CDC73: variants seen among roughly 807,000 people sequenced by gnomAD.
CDC73 encodes parafibromin.
A neutral mutation model predicts 83.7 loss-of-function variants in CDC73; 21 were observed. The ratio of observed to expected loss-of-function variants is 0.25; its 90% CI spans 0.18 to 0.36. The LOEUF (loss-of-function observed/expected upper bound fraction) is 0.36. CDC73 is among the 10% of genes least tolerant of loss of function. The probability of loss-of-function intolerance (pLI) is 1.00; values close to 1 mark genes in which losing one functional copy is unlikely to be tolerated. For missense variants in CDC73, 342 were observed against 653.3 expected (o/e 0.52, Z 5.19); for synonymous variants, 224 against 212.9 (o/e 1.05, Z -0.45).
intron 10 of CDC73, among the ~76,000 whole-genome samples, chr1:193,168,256 T>A (rs1367649270): frequency 2.6e-5 from 4 of 152,192 alleles, no homozygotes; most frequent in Non-Finnish European, 5.9e-5. Flanking sequence ...GATGTCCTTA[T>A]GTGACAAAAT....
At chr1:193,236,436 C>T (rs530363290) in intron 15 of CDC73, 80 bp downstream of exon 15, 43 of 897,552 alleles carry the variant, frequency 4.8e-5, no homozygotes, top group Middle Eastern at 2.5e-4. Context: ...TATAGTTCTG[C>T]GCATATGATG....
Position 193,253,030 on chromosome 1 carries a change from A to G in CDC73, c.*2318A>G, listed in dbSNP as rs12067264. ...AATTAATAACTTGACTTACCCCTCC[A>G]TAAGTTACTGCTAACTGGAGATACC... On this transcript the variant is annotated 3_prime_UTR_variant, in exon 17 of 17. Transcript: ENST00000367435. The G allele has an allele frequency of 3.4e-5, 8 of 232,086 alleles. No homozygotes were observed. The highest frequency in any genetic ancestry group is 1.8e-4 in the African/African-American group (8 of 45,312). 14.4% of individuals were successfully genotyped at this position (232,086 alleles called of 1,614,324 possible). A position where few individuals can be genotyped will look rare whatever the true frequency, so the allele number is the denominator to read the frequency against.
At chr1:193,137,631 T>G (rs1572152103) in intron 5 of CDC73, among the ~76,000 whole-genome samples, 1 of 152,204 alleles carries the variant, frequency 6.6e-6, no homozygotes, top group Non-Finnish European at 1.5e-5. Context: ...TTGAAAACCT[T>G]TAAGGTTTTC....
At chr1:193,177,610 C>T (rs937164240) in intron 10 of CDC73, among the ~76,000 whole-genome samples, 4 of 151,688 alleles carry the variant, frequency 2.6e-5, no homozygotes, top group African/African-American at 7.3e-5. Context: ...GGTATTTAAC[C>T]TCTTACACGA....
intron 10 of CDC73, among the ~76,000 whole-genome samples, chr1:193,194,951 T>C (rs1212530172): frequency 6.6e-6 from 1 of 152,104 alleles, no homozygotes; most frequent in African/African-American, 2.4e-5. Context: ...TACACACATA[T>C]AGATTTAGTA....
At chr1:193,127,771 C>G (rs905743890) in intron 2 of CDC73, 2 of 151,246 alleles carry the variant, frequency 1.3e-5, no homozygotes, top group African/African-American at 4.9e-5. Flanking sequence ...AGATTGTTGT[C>G]TCCTAATTAC....
chr1:193,125,569 C>G (rs1356525844), intron 2 of CDC73, among the ~76,000 whole-genome samples: 2 of 151,128 alleles, frequency 1.3e-5, no homozygotes, highest in African/African-American at 4.9e-5. Context: ...GCCAATAATT[C>G]ATTTTAAAAC....
intron 10 of CDC73, among the ~76,000 whole-genome samples, chr1:193,169,705 G>C (rs904185997): frequency 6.6e-6 from 1 of 152,192 alleles, no homozygotes; most frequent in Non-Finnish European, 1.5e-5. Context: ...AGCAATAAGA[G>C]GCAATGCTGT....
chr1:193,181,494 G>T (rs973164190), intron 10 of CDC73: 1 of 1,612,600 alleles, frequency 6.2e-7, no homozygotes, highest in African/African-American at 1.3e-5. Context: ...GATGAGTGCG[G>T]AACAGAGACC....
intron 10 of CDC73, among the ~76,000 whole-genome samples, chr1:193,167,892 A>T (rs1231345656): frequency 6.6e-6 from 1 of 151,928 alleles, no homozygotes; most frequent in African/African-American, 2.4e-5. Context: ...ATGGAATCTC[A>T]CTCTGTTGCC....
At chr1:193,226,458 T>C (rs1039834183) in intron 13 of CDC73, among the ~76,000 whole-genome samples, 1 of 152,220 alleles carries the variant, frequency 6.6e-6, no homozygotes, top group African/African-American at 2.4e-5. Flanking sequence ...TGTGGGTTTG[T>C]CATAGATGAC....
At position 193,253,777 on chromosome 1, in the gene CDC73, A is replaced by G. The variant is rs1178592184; in HGVS notation, c.*3065A>G. Reference sequence around the variant, plus strand: ...AGTTTGCTTATGAAAGGAAAGTGGCATACTTTTAAATTGGTCTACACAGAA... The same window carrying G: ...AGTTTGCTTATGAAAGGAAAGTGGCGTACTTTTAAATTGGTCTACACAGAA... On this transcript the variant is annotated 3_prime_UTR_variant, in exon 17 of 17. Coordinates refer to ENST00000367435, the MANE Select transcript of CDC73 (RefSeq NM_024529.5). 1.3e-5 allele frequency: 3 copies of G among 230,650 alleles called. No individual in the cohort carries two copies. Among genetic ancestry groups the G allele is most frequent in the Non-Finnish European group, 2.6e-5 (3 of 116,562 alleles). The allele number at this position is 230,650 out of a possible 1,614,324, so 14.3% of individuals were successfully genotyped here. A position where few individuals can be genotyped will look rare whatever the true frequency, so the allele number is the denominator to read the frequency against.
At chr1:193,149,211 C>T (rs991495290) in intron 8 of CDC73, among the ~76,000 whole-genome samples, 1 of 152,092 alleles carries the variant, frequency 6.6e-6, no homozygotes, top group African/African-American at 2.4e-5. Flanking sequence ...ACAGCAGTCC[C>T]CAACCTTTTT....
chr1:193,216,314 CT>C (rs1677366529), intron 13 of CDC73, among the ~76,000 whole-genome samples: 1 of 152,180 alleles, frequency 6.6e-6, no homozygotes, highest in African/African-American at 2.4e-5. Context: ...ATGAACACCC[CT>C]GTGCACACAA....
At chr1:193,236,518 T>C (rs1427910481) in intron 15 of CDC73, among the ~76,000 whole-genome samples, 162 bp downstream of exon 15, 3 of 152,242 alleles carry the variant, frequency 2.0e-5, no homozygotes, top group African/African-American at 7.2e-5. Flanking sequence ...TTTAAAAGCT[T>C]TGTATATTAA....
intron 10 of CDC73, among the ~76,000 whole-genome samples, chr1:193,176,222 A>T (rs773129862): frequency 6.6e-6 from 1 of 152,156 alleles, no homozygotes; most frequent in African/African-American, 2.4e-5. Context: ...GCCCTCCCTC[A>T]TGGTGGTGTG....
chr1:193,228,516 C>T (rs1677602284), intron 13 of CDC73, among the ~76,000 whole-genome samples: 1 of 152,070 alleles, frequency 6.6e-6, no homozygotes, highest in Admixed American at 6.6e-5. Flanking sequence ...ATGGAGATTG[C>T]TTAAATGGGG....
At chr1:193,221,577 T>C (rs569136724) in intron 13 of CDC73, among the ~76,000 whole-genome samples, 1 of 152,326 alleles carries the variant, frequency 6.6e-6, no homozygotes, top group South Asian at 2.1e-4. Context: ...GTCTTTTCAT[T>C]CTCCACTCTC....
intron 13 of CDC73, among the ~76,000 whole-genome samples, chr1:193,214,892 T>G (rs1572203909): frequency 1.3e-5 from 2 of 152,318 alleles, no homozygotes; most frequent in Non-Finnish European, 2.9e-5. Context: ...TTGGGGAGAT[T>G]GATGTGTATA....
Sources: allele counts gnomAD v4.1 joint callset (sites outside exome capture counted in the v4.1 genomes callset), GRCh38; gene constraint gnomAD v4.1.1; transcripts MANE v1.5; gene names NCBI Gene and HGNC (gene_info 2026-07-23, HGNC 2026-07-21).